MSH4: variants seen among roughly 807,000 people sequenced by gnomAD.
MSH4 encodes mutS protein homolog 4.
In MSH4, 106 loss-of-function variants were observed where a neutral mutation model predicts 113.7. That is an observed-to-expected ratio of 0.93 (90% CI 0.80 to 1.10). The LOEUF (loss-of-function observed/expected upper bound fraction) is 1.10, where lower values mean the gene tolerates loss of function less well. MSH4 is among the 50% of genes least tolerant of loss of function. The pLI is 0.00. For synonymous variants in MSH4, 368 were observed against 380.2 expected (o/e 0.97, Z 0.37); for missense variants, 1,061 against 1,093.7 (o/e 0.97, Z 0.42).
At chr1:75,886,803 T>C (rs1652132820) in intron 15 of MSH4, among the ~76,000 whole-genome samples, 1 of 113,416 alleles carries the variant, frequency 8.8e-6, no homozygotes, top group South Asian at 2.8e-4. Flanking sequence ...CTAAACAGTA[T>C]ATATATATAC....
intron 19 of MSH4, among the ~76,000 whole-genome samples, chr1:75,901,408 G>A (rs1652503467): frequency 6.6e-6 from 1 of 152,004 alleles, no homozygotes; most frequent in Non-Finnish European, 1.5e-5. Context: ...GAGAACATGT[G>A]GTATTTGTCT....
chr1:75,901,611 A>G (rs977067095), intron 19 of MSH4, among the ~76,000 whole-genome samples: 10 of 152,164 alleles, frequency 6.6e-5, no homozygotes, highest in African/African-American at 1.2e-4. Flanking sequence ...TAGTGCTGCA[A>G]TAAACGTGGG....
At chr1:75,871,431 A>G (rs963443217) in intron 9 of MSH4, among the ~76,000 whole-genome samples, 2 of 152,216 alleles carry the variant, frequency 1.3e-5, no homozygotes, top group Admixed American at 6.5e-5. Context: ...AAATATTGAA[A>G]TGCCAATGGA....
chr1:75,908,321 T>C (rs1652714378), intron 19 of MSH4, among the ~76,000 whole-genome samples: 1 of 151,870 alleles, frequency 6.6e-6, no homozygotes, highest in Non-Finnish European at 1.5e-5. Flanking sequence ...AATTTTTGTA[T>C]TTTTAGTAGA....
intron 7 of MSH4, among the ~76,000 whole-genome samples, chr1:75,828,351 T>A (rs1015064180): frequency 6.6e-6 from 1 of 152,178 alleles, no homozygotes; most frequent in Admixed American, 6.6e-5. Context: ...AAAAGACACC[T>A]GCACTCACAT....
intron 7 of MSH4, among the ~76,000 whole-genome samples, chr1:75,829,727 G>C (rs1308065816): frequency 1.3e-5 from 2 of 152,180 alleles, no homozygotes; most frequent in Non-Finnish European, 1.5e-5. Context: ...TGAGGGTCCT[G>C]ACTGATAGAA....
At chr1:75,906,480 TA>T (rs1378749808) in intron 19 of MSH4, among the ~76,000 whole-genome samples, 2 of 698 alleles carry the variant, frequency 2.9e-3, no homozygotes, top group Non-Finnish European at 0.016. Flanking sequence ...ATATATAATA[TA>T]TACATATTAT....
chr1:75,871,505 C>T (rs987412207), intron 9 of MSH4, among the ~76,000 whole-genome samples: 3 of 152,126 alleles, frequency 2.0e-5, no homozygotes, highest in African/African-American at 7.2e-5. Context: ...AAAATGTTAA[C>T]CTCATCATTA....
intron 8 of MSH4, among the ~76,000 whole-genome samples, chr1:75,850,140 C>A (rs1460906504): frequency 6.6e-6 from 1 of 151,984 alleles, no homozygotes; most frequent in African/African-American, 2.4e-5. Flanking sequence ...TCATTGGTTT[C>A]TCTTTTTTGC....
intron 19 of MSH4, among the ~76,000 whole-genome samples, chr1:75,906,550 A>T (rs1001367229): frequency 0.05 from 781 of 15,746 alleles, 31 homozygotes; most frequent in African/African-American, 0.087. Context: ...TATAATATAT[A>T]ATATATTATA....
At chr1:75,801,844 T>C (rs1442311529) in intron 1 of MSH4, among the ~76,000 whole-genome samples, 1 of 152,062 alleles carries the variant, frequency 6.6e-6, no homozygotes, top group African/African-American at 2.4e-5. Context: ...CACTCCAGTC[T>C]GGGCGACAAA....
chr1:75,865,883 G>C (rs1427641427), intron 8 of MSH4, among the ~76,000 whole-genome samples: 3 of 149,340 alleles, frequency 2.0e-5, no homozygotes, highest in African/African-American at 7.4e-5. Context: ...GTTGAGGGAA[G>C]GGCCATGTTT....
At chr1:75,804,330 G>T (rs1650008694) in intron 2 of MSH4, among the ~76,000 whole-genome samples, 1 of 151,822 alleles carries the variant, frequency 6.6e-6, no homozygotes, top group Non-Finnish European at 1.5e-5. Flanking sequence ...GTTTTCTAAG[G>T]TATATACAAC....
chr1:75,857,692 C>A (rs976019490), intron 8 of MSH4, among the ~76,000 whole-genome samples: 1 of 152,082 alleles, frequency 6.6e-6, no homozygotes, highest in African/African-American at 2.4e-5. Flanking sequence ...TTACTGTAGC[C>A]TTGTAGTACA....
At chr1:75,904,513 T>C (rs1202399130) in intron 19 of MSH4, among the ~76,000 whole-genome samples, 1 of 128,496 alleles carries the variant, frequency 7.8e-6, no homozygotes, top group Admixed American at 8.4e-5. Flanking sequence ...TTCTTTTTCT[T>C]TTTCTTTCTT....
At position 75,824,111 on chromosome 1, in the gene MSH4, A is replaced by G. The variant is rs1434277411; in HGVS notation, c.1162+1530A>G. On this transcript the variant is annotated intron_variant, in intron 7 of 19. Transcript: ENST00000263187. ...CCCACCGACAGTGTAAAGTGTTCCT[A>G]TTTCTCCACATCCTCTCCAGCATCT... 2.6e-5 allele frequency among the ~76,000 whole-genome samples: 4 copies of G among 152,064 alleles called. No individual in the cohort carries two copies. In the East Asian group the frequency reaches 7.7e-4, roughly 29 times the overall value.
At chr1:75,821,672 A>C (rs1182324175) in intron 6 of MSH4, among the ~76,000 whole-genome samples, 1 of 152,186 alleles carries the variant, frequency 6.6e-6, no homozygotes, top group Non-Finnish European at 1.5e-5. Context: ...ACAGTGGTGC[A>C]AGTATGGTTC....
intron 16 of MSH4, among the ~76,000 whole-genome samples, chr1:75,889,999 G>A (rs186098694): frequency 5.3e-5 from 8 of 152,040 alleles, no homozygotes; most frequent in South Asian, 2.1e-4. Flanking sequence ...ATAATAGATC[G>A]TAGCAATATA....
At chr1:75,892,566 T>C (rs1180170659) in intron 17 of MSH4, among the ~76,000 whole-genome samples, 1 of 152,186 alleles carries the variant, frequency 6.6e-6, no homozygotes, top group Non-Finnish European at 1.5e-5. Flanking sequence ...TCCAGGTGAT[T>C]TTATATATGA....
Sources: allele counts gnomAD v4.1 joint callset (sites outside exome capture counted in the v4.1 genomes callset), GRCh38; gene constraint gnomAD v4.1.1; transcripts MANE v1.5; gene names NCBI Gene and HGNC (gene_info 2026-07-23, HGNC 2026-07-21).